The following AGMO variants were observed in gnomAD, a reference collection of about 807,000 sequenced individuals.
The protein encoded by AGMO is glyceryl-ether monooxygenase.
A neutral mutation model predicts 60.2 loss-of-function variants in AGMO; 75 were observed. The ratio of observed to expected loss-of-function variants is 1.25; its 90% confidence interval spans 1.03 to 1.51. The LOEUF is 1.51. Among genes scored for constraint, AGMO ranks in the 40% most tolerant of loss-of-function variants. The probability of loss-of-function intolerance (pLI) is 0.00; values close to 1 mark genes in which losing one functional copy is unlikely to be tolerated. For synonymous variants in AGMO, 261 were observed against 177.1 expected (o/e 1.47, Z -3.76); for missense variants, 763 against 525.5 (o/e 1.45, Z -4.42).
chr7:15,139,903 C>G, the AGMO span, among the ~76,000 whole-genome samples: 1 of 148,396 alleles, frequency 6.7e-6, no homozygotes, highest in Non-Finnish European at 1.5e-5. Context: ...TTTAACCCAA[C>G]TATATATAAA....
At chr7:15,434,083 A>G (rs1262024141) in intron 3 of AGMO, among the ~76,000 whole-genome samples, 1 of 152,074 alleles carries the variant, frequency 6.6e-6, no homozygotes, top group Non-Finnish European at 1.5e-5. Context: ...TTATTACCCC[A>G]AAGAGTTCCC....
At chr7:15,274,304 T>C (rs917479361) in intron 12 of AGMO, among the ~76,000 whole-genome samples, 1 of 152,168 alleles carries the variant, frequency 6.6e-6, no homozygotes, top group African/African-American at 2.4e-5. Flanking sequence ...CAATACCTAA[T>C]TTATTGAGAG....
At chr7:15,365,858 T>C (rs577973946) in intron 11 of AGMO, among the ~76,000 whole-genome samples, 1 of 152,194 alleles carries the variant, frequency 6.6e-6, no homozygotes, top group African/African-American at 2.4e-5. Context: ...TTATGAAGTT[T>C]ATTTTCAGCT....
At chr7:15,350,174 A>T (rs2128553453) in intron 12 of AGMO, among the ~76,000 whole-genome samples, 1 of 152,270 alleles carries the variant, frequency 6.6e-6, no homozygotes, top group Admixed American at 6.5e-5. Flanking sequence ...TAATTTAAAT[A>T]CTTGTTCAAG....
At chr7:15,340,167 T>C (rs1166152458) in intron 12 of AGMO, among the ~76,000 whole-genome samples, 1 of 152,192 alleles carries the variant, frequency 6.6e-6, no homozygotes, top group Non-Finnish European at 1.5e-5. Context: ...TATATACACG[T>C]TATACACATA....
intron 2 of AGMO, among the ~76,000 whole-genome samples, chr7:15,547,223 C>T (rs978701378): frequency 6.6e-6 from 1 of 152,164 alleles, no homozygotes; most frequent in African/African-American, 2.4e-5. Flanking sequence ...TCTCCAGATA[C>T]TTCCAAGTGT....
At chr7:15,264,297 T>G (rs112295264) in intron 12 of AGMO, among the ~76,000 whole-genome samples, 1 of 152,062 alleles carries the variant, frequency 6.6e-6, no homozygotes, top group African/African-American at 2.4e-5. Context: ...AAAAATGGCA[T>G]GAGACTTTCC....
At chr7:15,180,966 A>T in the AGMO span, among the ~76,000 whole-genome samples, 1 of 152,108 alleles carries the variant, frequency 6.6e-6, no homozygotes, top group Middle Eastern at 3.2e-3. Flanking sequence ...ACATAGATAA[A>T]ACTGGGATGA....
intron 8 of AGMO, among the ~76,000 whole-genome samples, chr7:15,388,386 A>G (rs1356587229): frequency 6.6e-6 from 1 of 152,140 alleles, no homozygotes; most frequent in Non-Finnish European, 1.5e-5. Flanking sequence ...TCTGAGGAAT[A>G]GGTAAATGTT....
At chr7:15,524,210 TTA>T (rs1784067783) in intron 3 of AGMO, among the ~76,000 whole-genome samples, 1 of 151,986 alleles carries the variant, frequency 6.6e-6, no homozygotes, top group African/African-American at 2.4e-5. Context: ...CAACATAAGA[TTA>T]TATATACTTT....
intron 10 of AGMO, among the ~76,000 whole-genome samples, chr7:15,380,124 A>C (rs1259652827): frequency 6.6e-6 from 1 of 152,118 alleles, no homozygotes; most frequent in Non-Finnish European, 1.5e-5. Context: ...TCCGTCTCTC[A>C]CCACTCCTAT....
chr7:15,383,101 A>G (rs980874441), intron 10 of AGMO, among the ~76,000 whole-genome samples: 6 of 152,058 alleles, frequency 3.9e-5, no homozygotes, highest in African/African-American at 7.2e-5. Flanking sequence ...CTAGGACCAC[A>G]TACATAGATT....
chr7:15,269,508 G>T (rs960291357), intron 12 of AGMO, among the ~76,000 whole-genome samples: 1 of 152,016 alleles, frequency 6.6e-6, no homozygotes, highest in Non-Finnish European at 1.5e-5. Context: ...AGGTTAGATA[G>T]GGGTGCATGA....
chr7:15,451,187 T>C (rs890294715), intron 3 of AGMO, among the ~76,000 whole-genome samples: 3 of 152,138 alleles, frequency 2.0e-5, no homozygotes, highest in Non-Finnish European at 2.9e-5. Flanking sequence ...TAGAGAGAGG[T>C]ATATAGATAC....
chr7:15,527,197 A>G (rs984178971), intron 3 of AGMO, among the ~76,000 whole-genome samples: 2 of 152,232 alleles, frequency 1.3e-5, no homozygotes. Flanking sequence ...AAAACCTGAG[A>G]TAAGATTAAA....
At chr7:15,555,568 T>A (rs914234321) in intron 2 of AGMO, among the ~76,000 whole-genome samples, 13 of 152,070 alleles carry the variant, frequency 8.5e-5, no homozygotes, top group African/African-American at 3.1e-4. Context: ...TATTGTTAAA[T>A]GGTATCACAT....
chr7:15,153,356 T>C, the AGMO span, among the ~76,000 whole-genome samples: 2 of 152,158 alleles, frequency 1.3e-5, no homozygotes, highest in Non-Finnish European at 2.9e-5. Context: ...TTAAGTTCCA[T>C]ATATTTATCT....
At chr7:15,394,236 A>G in intron 5 of AGMO, 57 bp from the exon 6 acceptor site, 5 of 1,231,566 alleles carry the variant, frequency 4.1e-6, no homozygotes, top group Non-Finnish European at 4.7e-6. Context: ...GTGTGTTAGT[A>G]TATAAATGCT....
intron 6 of AGMO, among the ~76,000 whole-genome samples, chr7:15,392,046 C>T (rs966521210): frequency 6.6e-6 from 1 of 151,906 alleles, no homozygotes; most frequent in East Asian, 1.9e-4. Flanking sequence ...TTGTTCTTCT[C>T]GACTTCCTAT....
Sources: allele counts gnomAD v4.1 joint callset (sites outside exome capture counted in the v4.1 genomes callset), GRCh38; gene constraint gnomAD v4.1.1; transcripts MANE v1.5; gene names NCBI Gene and HGNC (gene_info 2026-07-23, HGNC 2026-07-21).